CSMD3: variants seen among roughly 807,000 people sequenced by gnomAD.
CSMD3 encodes CUB and sushi domain-containing protein 3.
In CSMD3, 177 loss-of-function variants were observed where a neutral mutation model predicts 435.2. The ratio of observed to expected loss-of-function variants is 0.41; its 90% CI spans 0.36 to 0.46. The LOEUF (loss-of-function observed/expected upper bound fraction) is 0.46, where lower values mean the gene tolerates loss of function less well. Ranked by LOEUF, CSMD3 falls within the 20% of genes least tolerant of loss-of-function variation. The pLI is 0.34. For missense variants in CSMD3, 4,265 were observed against 4,504.6 expected, an observed-to-expected ratio of 0.95 and a Z score of 1.52; for synonymous variants, 1,656 against 1,520.5, an observed-to-expected ratio of 1.09 and a Z score of -2.07.
intron 58 of CSMD3, among the ~76,000 whole-genome samples, chr8:112,282,810 C>T (rs1191385940): frequency 6.6e-6 from 1 of 152,072 alleles, no homozygotes; most frequent in Non-Finnish European, 1.5e-5. Context: ...ACAGCAACTA[C>T]TTTGCCTCTG....
At chr8:112,268,739 G>A (rs557074619) in intron 59 of CSMD3, among the ~76,000 whole-genome samples, 68 of 152,266 alleles carry the variant, frequency 4.5e-4, no homozygotes, top group Admixed American at 8.5e-4. Context: ...TATGTGCTCT[G>A]CCATACTTCT....
chr8:113,303,946 A>G (rs2093796266), intron 2 of CSMD3, among the ~76,000 whole-genome samples: 1 of 138,900 alleles, frequency 7.2e-6, no homozygotes, highest in Non-Finnish European at 1.6e-5. Context: ...TCTGCACAGC[A>G]AAAGAAACTA....
intron 1 of CSMD3, among the ~76,000 whole-genome samples, chr8:113,327,051 C>T (rs2093988971): frequency 6.6e-6 from 1 of 151,960 alleles, no homozygotes; most frequent in South Asian, 2.1e-4. Context: ...AGTCTAAGTC[C>T]CAGCTGGATT....
intron 16 of CSMD3, among the ~76,000 whole-genome samples, chr8:112,671,515 C>T (rs2075655423): frequency 6.6e-6 from 1 of 152,144 alleles, no homozygotes; most frequent in East Asian, 1.9e-4. Context: ...CCTTCTCCCT[C>T]TTTCAAAGGA....
In CSMD3 at chr8:113,077,489, G is replaced by A. The variant is rs553035492; in HGVS notation, c.917+21267C>T. ...GGCCGAAACGGGTGGATCACCTGAA[G>A]TTAGGAGTTCCAGACAAGCCTGATC... On this transcript the variant is annotated intron_variant, in intron 5 of 70. Transcript: ENST00000297405. 8.5e-5 allele frequency among the ~76,000 whole-genome samples: 13 copies of A among 152,198 alleles called. No individual in the cohort carries two copies. In the East Asian group the frequency reaches 1.9e-3, roughly 23 times the overall value.
intron 18 of CSMD3, among the ~76,000 whole-genome samples, chr8:112,652,645 G>T (rs376928373): frequency 1.3e-5 from 2 of 152,066 alleles, no homozygotes; most frequent in Non-Finnish European, 2.9e-5. Flanking sequence ...TAAGTCTAAA[G>T]AAATAGTTCA....
Position 112,654,764 on chromosome 8 carries a change from G to T in CSMD3, c.3004+1390C>A, listed in dbSNP as rs376137835. On this transcript the variant is annotated intron_variant, in intron 18 of 70. Transcript: ENST00000297405. ...AATCTTTAAAATAGTCCTGTTTTTG[G>T]TAAAGACCACATACCTTGGGTGGAA... is the stretch of plus-strand genomic sequence containing the variant. Among the ~76,000 whole-genome samples, 21 of 152,196 alleles carry T rather than the reference G, an allele frequency of 1.4e-4. 1 individual carries two copies. In the South Asian group the frequency reaches 4.4e-3, roughly 32 times the overall value.
chr8:113,033,310 G>T (rs942613811), intron 5 of CSMD3, among the ~76,000 whole-genome samples: 1 of 151,752 alleles, frequency 6.6e-6, no homozygotes, highest in Admixed American at 6.6e-5. Flanking sequence ...AGCCGCAGGG[G>T]CTGTACCCTG....
At chr8:112,849,725 C>T (rs1031266147) in intron 11 of CSMD3, among the ~76,000 whole-genome samples, 2 of 151,538 alleles carry the variant, frequency 1.3e-5, no homozygotes, top group East Asian at 3.9e-4. Flanking sequence ...TCATTATCTC[C>T]CTGTCTCAGA....
rs187882580 is a variant in CSMD3 at position 112,662,604 on chromosome 8, T to C, written c.2816+3673A>G. Among the ~76,000 whole-genome samples, 646 of 152,274 alleles carry C rather than the reference T, an allele frequency of 4.2e-3. 10 individuals are homozygous for C. Among genetic ancestry groups the C allele is most frequent in the African/African-American group, 0.014 (599 of 41,554 alleles). ...AACCTAGGCAATACCATTCAGGACA[T>C]AGGCATGTGCAGGGACTTCATGTCT... is the stretch of plus-strand genomic sequence containing the variant. On this transcript the variant is annotated intron_variant, in intron 17 of 70. Transcript: ENST00000297405.
intron 6 of CSMD3, among the ~76,000 whole-genome samples, chr8:112,979,162 G>A (rs548553743): frequency 6.6e-6 from 1 of 151,806 alleles, no homozygotes; most frequent in South Asian, 2.1e-4. Flanking sequence ...CAAAACAAAA[G>A]TTTAATCTGT....
chr8:113,084,932 C>T (rs1447283221), intron 5 of CSMD3, among the ~76,000 whole-genome samples: 1 of 151,474 alleles, frequency 6.6e-6, no homozygotes, highest in African/African-American at 2.4e-5. Flanking sequence ...ATAATTAGAC[C>T]CATATCTCTC....
At chr8:113,174,073 G>A (rs1439516037) in intron 3 of CSMD3, among the ~76,000 whole-genome samples, 157 bp from the exon 4 acceptor site, 1 of 152,130 alleles carries the variant, frequency 6.6e-6, no homozygotes, top group Non-Finnish European at 1.5e-5. Context: ...ATGTGACAGT[G>A]AATATGGGAA....
intron 5 of CSMD3, among the ~76,000 whole-genome samples, chr8:113,027,035 T>G (rs184939805): frequency 1.5e-3 from 221 of 152,290 alleles, no homozygotes; most frequent in African/African-American, 4.9e-3. Context: ...TATTACAAAA[T>G]TTCTCCAAGT....
Position 113,261,178 on chromosome 8 carries a change from T to G in CSMD3, c.514+17414A>C, listed in dbSNP as rs1563620247. ...TTGGTCCATAGTGTCTATTTATTTG[T>G]CAATATGGAATGAAACATGGTATTT... On this transcript the variant is annotated intron_variant, in intron 3 of 70. Transcript: ENST00000297405. Among the ~76,000 whole-genome samples, 3 of 152,118 alleles carry G rather than the reference T, an allele frequency of 2.0e-5. No homozygotes were observed. The South Asian group carries it at 6.2e-4, about 31-fold the overall frequency.
intron 25 of CSMD3, among the ~76,000 whole-genome samples, chr8:112,554,341 A>G (rs1328533883): frequency 6.6e-6 from 1 of 152,044 alleles, no homozygotes; most frequent in Admixed American, 6.6e-5. Context: ...CTAATTTACA[A>G]TAACACACTC....
chr8:113,253,243 T>C (rs1335518679), intron 3 of CSMD3, among the ~76,000 whole-genome samples: 1 of 151,958 alleles, frequency 6.6e-6, no homozygotes, highest in African/African-American at 2.4e-5. Context: ...ACTTTTTTTT[T>C]TAATCTTTAA....
chr8:112,912,255 AT>A (rs145333195), intron 10 of CSMD3, among the ~76,000 whole-genome samples: 2,505 of 149,098 alleles, frequency 0.017, 64 homozygotes, highest in African/African-American at 0.059. Context: ...TACTGCTTTC[AT>A]TTTTTTTTGG....
chr8:113,431,166 G>C (rs2094670420), intron 1 of CSMD3, among the ~76,000 whole-genome samples: 1 of 152,204 alleles, frequency 6.6e-6, no homozygotes, highest in Non-Finnish European at 1.5e-5. Context: ...CTCACTCTGA[G>C]AGCAGAAAGA....
Sources: allele counts gnomAD v4.1 joint callset (sites outside exome capture counted in the v4.1 genomes callset), GRCh38; gene constraint gnomAD v4.1.1; transcripts MANE v1.5; gene names NCBI Gene and HGNC (gene_info 2026-07-23, HGNC 2026-07-21).